The following GTF2F1 variants were observed in gnomAD, a reference collection of about 807,000 sequenced individuals.
The protein encoded by GTF2F1 is general transcription factor IIF 74 kDa subunit.
Under a neutral mutation model 63.5 loss-of-function variants are expected in GTF2F1, and 39 were observed. That is an observed-to-expected ratio of 0.61 (90% confidence interval 0.48 to 0.80). GTF2F1 has a LOEUF of 0.80. Ranked by LOEUF, GTF2F1 falls within the 30% of genes least tolerant of loss-of-function variation. GTF2F1 has a pLI of 0.00. For synonymous variants in GTF2F1, 287 were observed against 285.3 expected (o/e 1.01, Z -0.06); for missense variants, 657 against 718.3 (o/e 0.91, Z 0.97).
At chr19:6,389,727 A>T (rs749107925) in intron 3 of GTF2F1, 90 bp from the exon 4 acceptor site, 1 of 1,208,648 alleles carries the variant, frequency 8.3e-7, no homozygotes, top group East Asian at 2.4e-5. Flanking sequence ...GCCCTAGGCC[A>T]AGCTCTAGAT....
At position 6,380,858 on chromosome 19, in the gene GTF2F1, G is replaced by C; in HGVS notation, c.1231+46C>G. 2.0e-6 allele frequency: 3 copies of C among 1,517,312 alleles called. No homozygotes were observed. The African/African-American group carries it at 4.1e-5, about 21-fold the overall frequency. 94.0% of individuals were successfully genotyped at this position (1,517,312 alleles called of 1,614,324 possible). ...TCCTGAGCCCCAACAGAGGTCAGGA[G>C]GCTGTGGCTGTGGCTGTGGGGAGCG... On this transcript the variant is annotated intron_variant, in intron 11 of 12. Transcript: ENST00000394456. The surrounding 1 kb of genome is among the most constrained non-coding windows in gnomAD (Gnocchi z 5.3).
chr19:6,389,036 C>A (rs1387879845), intron 4 of GTF2F1, among the ~76,000 whole-genome samples: 1 of 152,044 alleles, frequency 6.6e-6, no homozygotes, highest in Non-Finnish European at 1.5e-5. Flanking sequence ...AGTTCGAGAC[C>A]AGCCTGACCA....
intron 5 of GTF2F1, chr19:6,387,105 C>T: frequency 2.4e-6 from 1 of 411,782 alleles, no homozygotes; most frequent in Non-Finnish European, 4.5e-6. Flanking sequence ...GTGTGACCTG[C>T]AGCCTGCGGA....
chr19:6,381,408 C>T lies in GTF2F1; in HGVS notation c.969G>A (p.Glu323=). The T allele has an allele frequency of 6.2e-7, 1 of 1,611,212 alleles. No individual in the cohort carries two copies. Among genetic ancestry groups the T allele is most frequent in the Non-Finnish European group, 8.5e-7 (1 of 1,179,658 alleles). Reference sequence around the variant, plus strand: ...GGGTGGGTGCCTTCTTCTCCTCCTCCTCCTCCTTGTCCTCCTCAGGCGGCT... The same window carrying T: ...GGGTGGGTGCCTTCTTCTCCTCCTCTTCCTCCTTGTCCTCCTCAGGCGGCT... ...EEKPPEEDKE[E]EEEKKAPTPQ... The change falls in exon 9 of 13, where the codon GAG becomes GAA. Residue 323 remains glutamate (E), a synonymous_variant. Coordinates refer to ENST00000394456, the MANE Select transcript of GTF2F1 (RefSeq NM_002096.3). This position sits in a 1 kb window ranked among gnomAD's most constrained non-coding sequence, Gnocchi z 4.1.
intron 2 of GTF2F1, 173 bp from the exon 3 acceptor site, chr19:6,392,147 C>T: frequency 1.5e-6 from 1 of 666,420 alleles, no homozygotes; most frequent in Non-Finnish European, 2.8e-6. Context: ...TAATTCAATT[C>T]AATCATTCCA....
rs111758722 is a variant in GTF2F1, at chr19:6,386,376, G to A, written c.497+1013C>T. ...GCAGTCCAGCCTGGGCAACAAGAGC[G>A]AAACTCAGTTCAAAAAAAAACACAC... On this transcript the variant is annotated intron_variant, in intron 5 of 12. Coordinates refer to ENST00000394456, the MANE Select transcript of GTF2F1 (RefSeq NM_002096.3). 2.9e-3 allele frequency among the ~76,000 whole-genome samples: 445 copies of A among 150,888 alleles called. 4 individuals are homozygous for A. The highest frequency in any genetic ancestry group is 0.01 in the African/African-American group (419 of 40,782).
rs1174833882 is a variant in GTF2F1, at chr19:6,392,966, C to G, written c.12+18G>C. 3.1e-6 allele frequency: 5 copies of G among 1,614,036 alleles called. No homozygotes were observed. The highest frequency in any genetic ancestry group is 4.2e-6 in the Non-Finnish European group (5 of 1,180,044). ...GGTCGCCGTCGGAACCCCCGAACCC[C>G]GCCAAATCCACACTCACTAGGGCCG... is the stretch of plus-strand genomic sequence containing the variant. On this transcript the variant is annotated intron_variant, in intron 1 of 12. Coordinates refer to ENST00000394456, the MANE Select transcript of GTF2F1 (RefSeq NM_002096.3).
Position 6,380,106 on chromosome 19 carries a change from A to T in GTF2F1, c.*175T>A. On this transcript the variant is annotated 3_prime_UTR_variant, in exon 13 of 13. Coordinates refer to ENST00000394456, the MANE Select transcript of GTF2F1 (RefSeq NM_002096.3). The surrounding 1 kb of genome is among the most constrained non-coding windows in gnomAD (Gnocchi z 5.3). The stretch of plus-strand genomic sequence containing the variant: ...GAGGAGATGGCTTAACTTTTCCAGA[A>T]TTGCTAACTACGGGGCCCTGGGAGT... 1.5e-6 allele frequency: 1 copy of T among 656,992 alleles called. No homozygotes were observed. The highest frequency in any genetic ancestry group is 1.8e-5 in the South Asian group (1 of 56,240). 40.7% of individuals were successfully genotyped at this position (656,992 alleles called of 1,614,324 possible). A position where few individuals can be genotyped will look rare whatever the true frequency, so the allele number is the denominator to read the frequency against.
Position 6,389,428 on chromosome 19 carries a change from C to T in GTF2F1, c.326+16G>A. ...ACTGGTCACTAAGCCGGCACCGCCA[C>T]CGCCCCACCACTTACTTCCTGCCTG... On this transcript the variant is annotated intron_variant, in intron 4 of 12. Transcript: ENST00000394456. 1 of 1,610,432 alleles carries T rather than the reference C, an allele frequency of 6.2e-7. No homozygotes were observed. The highest frequency in any genetic ancestry group is 8.5e-7 in the Non-Finnish European group (1 of 1,177,134).
rs754885783 is a variant in GTF2F1 at position 6,380,738 on chromosome 19, C to T, written c.1232-48G>A. Reference sequence around the variant, plus strand: ...GAGTCTTGCAGGCAGGAGGCAGAACCCCTGGGCAGGACCCCAGGCTGGGCA... The same window carrying T: ...GAGTCTTGCAGGCAGGAGGCAGAACTCCTGGGCAGGACCCCAGGCTGGGCA... On this transcript the variant is annotated intron_variant, in intron 11 of 12. Coordinates refer to ENST00000394456, the MANE Select transcript of GTF2F1 (RefSeq NM_002096.3). The surrounding 1 kb of genome is among the most constrained non-coding windows in gnomAD (Gnocchi z 5.3). The T allele has an allele frequency of 1.9e-6, 3 of 1,587,030 alleles. No homozygotes were observed. In the South Asian group the frequency reaches 3.3e-5, roughly 18 times the overall value.
chr19:6,387,830 C>A (rs536588009), intron 4 of GTF2F1, among the ~76,000 whole-genome samples: 8 of 150,856 alleles, frequency 5.3e-5, no homozygotes, highest in African/African-American at 1.9e-4. Flanking sequence ...GAGAGCCCAA[C>A]CCTGCAGTCA....
intron 5 of GTF2F1, among the ~76,000 whole-genome samples, chr19:6,384,729 G>A (rs1267111140): frequency 6.6e-6 from 1 of 152,120 alleles, no homozygotes; most frequent in Non-Finnish European, 1.5e-5. Context: ...GAACCCAGGA[G>A]TTTGAGACCA....
intron 2 of GTF2F1, 66 bp from the exon 3 acceptor site, chr19:6,392,040 A>G (rs2092000878): frequency 4.9e-6 from 4 of 808,444 alleles, no homozygotes; most frequent in Non-Finnish European, 8.4e-6. Flanking sequence ...TTAATCAGTC[A>G]ATGCTATTGA....
intron 5 of GTF2F1, among the ~76,000 whole-genome samples, chr19:6,386,058 A>G (rs2091972736): frequency 6.6e-6 from 1 of 151,882 alleles, no homozygotes; most frequent in African/African-American, 2.4e-5. Context: ...CCTGGGTGAC[A>G]GAGCGAGATT....
chr19:6,389,778 C>G, intron 3 of GTF2F1, 141 bp from the exon 4 acceptor site: 1 of 678,350 alleles, frequency 1.5e-6, no homozygotes, highest in Non-Finnish European at 2.5e-6. Context: ...GGGAGGAGAA[C>G]GGTAGCCTTT....
chr19:6,382,799 C>CA (rs1159505037), intron 6 of GTF2F1, among the ~76,000 whole-genome samples: 1,071 of 81,384 alleles, frequency 0.013, 14 homozygotes, highest in South Asian at 0.016. Flanking sequence ...GATCCTGTCT[C>CA]AAAAAAAAAA....
intron 5 of GTF2F1, among the ~76,000 whole-genome samples, chr19:6,385,048 C>T (rs1458564763): frequency 3.3e-5 from 5 of 152,018 alleles, no homozygotes; most frequent in Admixed American, 2.0e-4. Context: ...ATCCGCTCTC[C>T]ACGTGCCCAG....
chr19:6,392,958 C>T (rs1438580666), intron 1 of GTF2F1, 26 bp downstream of exon 1: 5 of 1,614,148 alleles, frequency 3.1e-6, no homozygotes, highest in Admixed American at 1.7e-5. Flanking sequence ...GTCGGAACCC[C>T]CGAACCCCGC....
chr19:6,380,099 T>C lies in GTF2F1; in HGVS notation c.*182A>G. The stretch of plus-strand genomic sequence containing the variant: ...GCCAGAGGAGGAGATGGCTTAACTT[T>C]TCCAGAATTGCTAACTACGGGGCCC... On this transcript the variant is annotated 3_prime_UTR_variant, in exon 13 of 13. Transcript: ENST00000394456. This position sits in a 1 kb window ranked among gnomAD's most constrained non-coding sequence, Gnocchi z 5.3. 2 of 644,942 alleles carry C rather than the reference T, an allele frequency of 3.1e-6. No homozygotes were observed. The highest frequency in any genetic ancestry group is 5.3e-5 in the East Asian group (2 of 38,008). 40.0% of individuals were successfully genotyped at this position (644,942 alleles called of 1,614,324 possible). A position where few individuals can be genotyped will look rare whatever the true frequency, so the allele number is the denominator to read the frequency against.
Sources: gnomAD v4.1 joint callset for allele counts (sites outside exome capture counted in the v4.1 genomes callset) on GRCh38, gnomAD v4.1.1 for gene constraint, Gnocchi (gnomAD v3.1) non-coding constraint, MANE v1.5 for transcripts, NCBI Gene and HGNC (gene_info 2026-07-23, HGNC 2026-07-21) for gene names.